Variants in SIGLEC15 observed in about 807,000 individuals in gnomAD.
SIGLEC15 encodes sialic acid binding Ig like lectin 15, also known as sialic acid-binding Ig-like lectin 15.
SIGLEC15 carries 31 observed loss-of-function variants against 26.2 expected under a neutral mutation model. The ratio of observed to expected loss-of-function variants is 1.18; its 90% confidence interval spans 0.89 to 1.60. SIGLEC15 has a LOEUF of 1.60. Among genes scored for constraint, SIGLEC15 ranks in the 40% most tolerant of loss-of-function variants. The pLI, the probability that SIGLEC15 is intolerant of heterozygous loss-of-function variation, is 0.00. For missense variants in SIGLEC15, 501 were observed against 488.4 expected, an observed-to-expected ratio of 1.03 and a Z score of -0.24; for synonymous variants, 207 against 221.9, an observed-to-expected ratio of 0.93 and a Z score of 0.60.
intron 4 of SIGLEC15, among the ~76,000 whole-genome samples, chr18:45,839,375 C>T (rs2048306004): frequency 6.6e-6 from 1 of 152,192 alleles, no homozygotes; most frequent in East Asian, 1.9e-4. Flanking sequence ...AACTCTAGAG[C>T]CGTCCCTTTG....
chr18:45,829,062 G>A, intron 1 of SIGLEC15: 1 of 984,874 alleles, frequency 1.0e-6, no homozygotes, highest in Non-Finnish European at 1.2e-6. Context: ...TATGGAGGCT[G>A]GGCAGGGGGT....
chr18:45,842,135 A>G lies in SIGLEC15; in HGVS notation c.935A>G (p.Asn312Ser). Residue 312 changes from asparagine to serine, a missense_variant, in exon 6 of 6, where the codon AAT becomes AGT. Asn to Ser is a conservative substitution (Grantham distance 46). Transcript: ENST00000389474. Reference protein sequence around the residue: ...RSQAQESNYENLSQMNPRSPP... With the variant: ...RSQAQESNYESLSQMNPRSPP... Reference sequence around the variant, plus strand: ...CAGGCCCAGGAGTCCAATTATGAAAATTTGAGCCAGATGAACCCCCGGAGC... The same window carrying G: ...CAGGCCCAGGAGTCCAATTATGAAAGTTTGAGCCAGATGAACCCCCGGAGC... The G allele has an allele frequency of 6.2e-7, 1 of 1,614,170 alleles. No individual in the cohort carries two copies. Among genetic ancestry groups the G allele is most frequent in the Non-Finnish European group, 8.5e-7 (1 of 1,180,026 alleles).
intron 1 of SIGLEC15, among the ~76,000 whole-genome samples, chr18:45,833,149 A>G (rs1045117303): frequency 2.6e-5 from 4 of 152,064 alleles, no homozygotes; most frequent in African/African-American, 4.8e-5. Flanking sequence ...GCATACAGGT[A>G]AAGGTAAAAA....
rs1242540217 is a variant in SIGLEC15, at chr18:45,842,302, G to A, written c.*115G>A. Reference sequence around the variant, plus strand: ...GGGCACCTTGGCAGCCCCCAGCTGGGTGGCTCCTCCCCTGCTCAAGGTCAA... The same window carrying A: ...GGGCACCTTGGCAGCCCCCAGCTGGATGGCTCCTCCCCTGCTCAAGGTCAA... On this transcript the variant is annotated 3_prime_UTR_variant, in exon 6 of 6. Coordinates refer to ENST00000389474, the MANE Select transcript of SIGLEC15 (RefSeq NM_213602.3). 8.7e-7 allele frequency: 1 copy of A among 1,144,568 alleles called. No individual in the cohort carries two copies. Among genetic ancestry groups the A allele is most frequent in the East Asian group, 2.4e-5 (1 of 40,978 alleles). The allele number at this position is 1,144,568 out of a possible 1,614,324, so 70.9% of individuals were successfully genotyped here. A position where few individuals can be genotyped will look rare whatever the true frequency, so the allele number is the denominator to read the frequency against.
chr18:45,826,805 G>C (rs148995238), intron 1 of SIGLEC15, among the ~76,000 whole-genome samples: 1 of 152,196 alleles, frequency 6.6e-6, no homozygotes, highest in African/African-American at 2.4e-5. Flanking sequence ...AGTCCAGCTC[G>C]GGGCTGGTTT....
In SIGLEC15 at chr18:45,840,512, C is replaced by T. The variant is rs571359969; in HGVS notation, c.905+271C>T. Among the ~76,000 whole-genome samples, 13 of 152,324 alleles carry T rather than the reference C, an allele frequency of 8.5e-5. No homozygotes were observed. In the South Asian group the frequency reaches 1.0e-3, roughly 12 times the overall value. On this transcript the variant is annotated intron_variant, in intron 5 of 5. Transcript: ENST00000389474. ...GTAGTTTCCCCTCCACATTCTTGAA[C>T]AGGCAGATTCATACAAAAACCACAT...
chr18:45,826,264 C>A (rs1025827303), intron 1 of SIGLEC15, among the ~76,000 whole-genome samples: 4 of 152,108 alleles, frequency 2.6e-5, no homozygotes, highest in Non-Finnish European at 4.4e-5. Flanking sequence ...GAGGCCCTCC[C>A]AGCAGGAATC....
chr18:45,828,390 G>A (rs954341669), intron 1 of SIGLEC15, among the ~76,000 whole-genome samples: 4 of 151,932 alleles, frequency 2.6e-5, no homozygotes, highest in African/African-American at 9.7e-5. Context: ...TAGCCTCCCA[G>A]GTCCTCCTCC....
chr18:45,838,465 C>A, intron 3 of SIGLEC15: 1 of 546,788 alleles, frequency 1.8e-6, no homozygotes, highest in Non-Finnish European at 3.1e-6. Flanking sequence ...CACCCACAAG[C>A]ATGAATTTGC....
intron 5 of SIGLEC15, among the ~76,000 whole-genome samples, 195 bp from the exon 6 acceptor site, chr18:45,841,911 C>A (rs1568082904): frequency 6.6e-6 from 1 of 152,170 alleles, no homozygotes; most frequent in South Asian, 2.1e-4. Context: ...GTCTGGGCTG[C>A]CCTGGCCTTT....
At chr18:45,840,820 C>T (rs1411506486) in intron 5 of SIGLEC15, 1 of 152,612 alleles carries the variant, frequency 6.6e-6, no homozygotes, top group Non-Finnish European at 1.5e-5. Context: ...CACCTGTGCC[C>T]TGAAGGCTGG....
At chr18:45,841,792 G>C (rs770007820) in intron 5 of SIGLEC15, among the ~76,000 whole-genome samples, 13 of 152,214 alleles carry the variant, frequency 8.5e-5, no homozygotes, top group Non-Finnish European at 1.9e-4. Flanking sequence ...TGTCCTAGGG[G>C]AAGTCAGGAA....
intron 1 of SIGLEC15, among the ~76,000 whole-genome samples, chr18:45,833,887 C>A: frequency 6.6e-6 from 1 of 151,914 alleles, no homozygotes; most frequent in East Asian, 1.9e-4. Context: ...CAGAGGTGAA[C>A]AAATTAACCA....
At chr18:45,838,047 G>A (rs2145068005) in intron 3 of SIGLEC15, 151 bp downstream of exon 3, 2 of 1,060,876 alleles carry the variant, frequency 1.9e-6, no homozygotes, top group South Asian at 3.8e-5. Flanking sequence ...TCACACCTGG[G>A]GGTAGTTTAG....
chr18:45,838,988 A>G lies in SIGLEC15; in HGVS notation c.767A>G (p.His256Arg), dbSNP rs2048301680. ...SEASVYLFRF[H>R]GASGASTVAL... is the part of the protein sequence containing the mutation. ...GCCAGCGTCTACCTGTTCCGCTTCC[A>G]TGGCGCCAGCGGGGCCTCGACGGTC... The change falls in exon 4 of 6, where the codon CAT (histidine) becomes CGT (arginine). Residue 256 changes from histidine to arginine, a missense_variant. His to Arg is a conservative substitution (Grantham distance 29, BLOSUM62 0). Coordinates refer to ENST00000389474, the MANE Select transcript of SIGLEC15 (RefSeq NM_213602.3). The G allele has an allele frequency of 6.3e-7, 1 of 1,599,344 alleles. No individual in the cohort carries two copies.
Position 45,837,824 on chromosome 18 carries a change from T to C in SIGLEC15, c.424T>C (p.Cys142Arg). The C allele has an allele frequency of 6.5e-7, 1 of 1,535,446 alleles. No homozygotes were observed. Among genetic ancestry groups the C allele is most frequent in the East Asian group, 2.6e-5 (1 of 38,574 alleles). Residue 142 changes from cysteine to arginine, a missense_variant, in exon 3 of 6, where the codon TGC (cysteine) becomes CGC (arginine). Cys to Arg is a radical substitution (Grantham distance 180). Coordinates refer to ENST00000389474, the MANE Select transcript of SIGLEC15 (RefSeq NM_213602.3). ...LALADDRRYF[C>R]RVEFAGDVHD... ...CCTGGCTGACGACCGCCGCTACTTC[T>C]GCCGCGTCGAGTTCGCCGGCGACGT...
At position 45,842,315 on chromosome 18, in the gene SIGLEC15, T is replaced by C. The variant is rs500899; in HGVS notation, c.*128T>C. Reference sequence around the variant, plus strand: ...GCCCCCAGCTGGGTGGCTCCTCCCCTGCTCAAGGTCAAGACCCTGCTCAAG... The same window carrying C: ...GCCCCCAGCTGGGTGGCTCCTCCCCCGCTCAAGGTCAAGACCCTGCTCAAG... On this transcript the variant is annotated 3_prime_UTR_variant, in exon 6 of 6. Transcript: ENST00000389474. The C allele has an allele frequency of 0.2, 184,359 of 917,916 alleles. 26,505 individuals are homozygous for C. The highest frequency in any genetic ancestry group is 0.51 in the African/African-American group (31,039 of 60,360). 56.9% of individuals were successfully genotyped at this position (917,916 alleles called of 1,614,324 possible).
rs2048314759 is a variant in SIGLEC15 at position 45,840,307 on chromosome 18, C to T, written c.905+66C>T. The T allele has an allele frequency of 2.0e-6, 3 of 1,527,494 alleles. No individual in the cohort carries two copies. In the Admixed American group the frequency reaches 5.7e-5, roughly 29 times the overall value. 94.6% of individuals were successfully genotyped at this position (1,527,494 alleles called of 1,614,324 possible). A position where few individuals can be genotyped will look rare whatever the true frequency, so the allele number is the denominator to read the frequency against. ...ACCTAGTCCTCATCACCCAGGGGGT[C>T]CAGGCAGGAGAAGGAATAAATGGCA... is the stretch of plus-strand genomic sequence containing the variant. On this transcript the variant is annotated intron_variant, in intron 5 of 5. Coordinates refer to ENST00000389474, the MANE Select transcript of SIGLEC15 (RefSeq NM_213602.3).
In SIGLEC15 at chr18:45,837,096, C is replaced by T; in HGVS notation, c.112+8C>T. The T allele has an allele frequency of 1.2e-6, 2 of 1,612,696 alleles. No individual in the cohort carries two copies. Among genetic ancestry groups the T allele is most frequent in the Non-Finnish European group, 1.7e-6 (2 of 1,179,442 alleles). ...TCAACACAGAGGTGCACAGTAAGTG[C>T]TTTTATTATTATCACCATCTCGGGG... On this transcript the variant is annotated splice_region_variant and intron_variant, in intron 2 of 5. Coordinates refer to ENST00000389474, the MANE Select transcript of SIGLEC15 (RefSeq NM_213602.3).
Sources: gnomAD v4.1 joint callset for allele counts (sites outside exome capture counted in the v4.1 genomes callset) on GRCh38, gnomAD v4.1.1 for gene constraint, MANE v1.5 for transcripts, NCBI Gene and HGNC (gene_info 2026-07-23, HGNC 2026-07-21) for gene names.